The following SFXN4 variants were observed in gnomAD, a reference collection of about 807,000 sequenced individuals.
The protein encoded by SFXN4 is sideroflexin-4.
Under a neutral mutation model 54.6 loss-of-function variants are expected in SFXN4, and 48 were observed. That is an observed-to-expected ratio of 0.88 (90% CI 0.70 to 1.12). SFXN4 has a LOEUF of 1.12. SFXN4 is among the 50% of genes most tolerant of loss of function. SFXN4 has a pLI of 0.00. For synonymous variants in SFXN4, 130 were observed against 145.5 expected (o/e 0.89, Z 0.77); for missense variants, 383 against 409.2 (o/e 0.94, Z 0.55).
chr10:119,161,426 AC>A (rs796850320), intron 3 of SFXN4, among the ~76,000 whole-genome samples: 3,159 of 124,670 alleles, frequency 0.025, 177 homozygotes, highest in African/African-American at 0.081. Context: ...AACAACAACA[AC>A]AAAAAAAAAC....
intron 9 of SFXN4, among the ~76,000 whole-genome samples, 198 bp from the exon 10 acceptor site, chr10:119,156,954 G>A (rs1052311826): frequency 6.6e-6 from 1 of 152,124 alleles, no homozygotes; most frequent in Non-Finnish European, 1.5e-5. Flanking sequence ...GGCTTAGAGA[G>A]AGGTATGGAA....
At chr10:119,150,992 C>T (rs1469005219) in intron 11 of SFXN4, among the ~76,000 whole-genome samples, 1 of 150,342 alleles carries the variant, frequency 6.7e-6, no homozygotes, top group African/African-American at 2.5e-5. Context: ...GAATCTCAAA[C>T]GTGAAAGAAG....
intron 11 of SFXN4, among the ~76,000 whole-genome samples, chr10:119,150,157 T>TG (rs544940592): frequency 2.6e-4 from 39 of 152,328 alleles, no homozygotes; most frequent in Admixed American, 2.1e-3. Flanking sequence ...CCTTTTTTTT[T>TG]TTAAAGTAGA....
At chr10:119,157,223 G>A (rs1390919705) in intron 9 of SFXN4, among the ~76,000 whole-genome samples, 1 of 152,132 alleles carries the variant, frequency 6.6e-6, no homozygotes, top group East Asian at 1.9e-4. Context: ...GAGGTCAGGA[G>A]TTTGAGATCA....
Position 119,155,078 on chromosome 10 carries a change from C to A in SFXN4, c.716G>T (p.Arg239Ile), listed in dbSNP as rs773000369. 9.9e-6 allele frequency: 16 copies of A among 1,613,704 alleles called. No homozygotes were observed. The highest frequency in any genetic ancestry group is 3.3e-5 in the Admixed American group (2 of 60,024). ...GTCTCTTACCTTTGTCCCAGCAATT[C>A]TGGAATGACCCAGGACATTGCCTTC... ...DKEGNVLGHS[R>I]IAGTKAVRET... The change falls in exon 11 of 14, where the codon AGA (arginine) becomes ATA (isoleucine). Residue 239 changes from arginine (R) to isoleucine (I), a missense_variant. Coordinates refer to ENST00000355697, the MANE Select transcript of SFXN4 (RefSeq NM_213649.2).
At chr10:119,144,585 A>G (rs1420141208) in intron 13 of SFXN4, among the ~76,000 whole-genome samples, 2 of 152,132 alleles carry the variant, frequency 1.3e-5, no homozygotes, top group African/African-American at 4.8e-5. Flanking sequence ...TGTCCTTGCT[A>G]CCTACTAAGC....
chr10:119,160,103 TG>T (rs1847459360), intron 5 of SFXN4, among the ~76,000 whole-genome samples: 1 of 151,454 alleles, frequency 6.6e-6, no homozygotes, highest in African/African-American at 2.4e-5. Context: ...CAGCTGAGCC[TG>T]GGAGTTGGAG....
intron 11 of SFXN4, among the ~76,000 whole-genome samples, chr10:119,153,041 CA>C (rs1344064739): frequency 2.0e-5 from 3 of 152,110 alleles, no homozygotes; most frequent in Non-Finnish European, 4.4e-5. Flanking sequence ...AGTCCACACC[CA>C]AAATGAAAAG....
intron 6 of SFXN4, 84 bp downstream of exon 6, chr10:119,159,644 T>C: frequency 7.0e-7 from 1 of 1,438,592 alleles, no homozygotes; most frequent in Non-Finnish European, 9.8e-7. Flanking sequence ...GGTCCGGAGC[T>C]GGAGGGACAC....
At chr10:119,142,305 G>C (rs533943922) in intron 13 of SFXN4, among the ~76,000 whole-genome samples, 1 of 152,180 alleles carries the variant, frequency 6.6e-6, no homozygotes, top group Non-Finnish European at 1.5e-5. Context: ...ATTTCATCAA[G>C]CACCTCCCAC....
chr10:119,159,152 C>T (rs560646564), intron 6 of SFXN4, among the ~76,000 whole-genome samples: 17 of 151,348 alleles, frequency 1.1e-4, no homozygotes, highest in Admixed American at 3.3e-4. Flanking sequence ...TGGTGGTGAG[C>T]GCCTGTAATC....
chr10:119,162,260 G>T, intron 3 of SFXN4, 80 bp downstream of exon 3: 1 of 1,138,534 alleles, frequency 8.8e-7, no homozygotes, highest in Non-Finnish European at 1.3e-6. Flanking sequence ...GAGATTAATG[G>T]CCAAATTCCA....
At chr10:119,158,169 TG>T (rs1405591649) in intron 6 of SFXN4, 107 bp from the exon 7 acceptor site, 3 of 1,068,936 alleles carry the variant, frequency 2.8e-6, no homozygotes, top group Non-Finnish European at 4.4e-6. Context: ...CCCAAGGAGC[TG>T]GGGCAGGAGA....
chr10:119,162,754 C>T (rs1031989814), intron 2 of SFXN4, among the ~76,000 whole-genome samples: 1 of 151,624 alleles, frequency 6.6e-6, no homozygotes, highest in African/African-American at 2.4e-5. Context: ...ACTTCCATGT[C>T]TTATCAGTTC....
At chr10:119,153,915 C>T (rs1325544316) in intron 11 of SFXN4, among the ~76,000 whole-genome samples, 6 of 152,188 alleles carry the variant, frequency 3.9e-5, no homozygotes, top group African/African-American at 1.4e-4. Flanking sequence ...CGGTGGCTCA[C>T]ACCTGTAATC....
chr10:119,147,903 G>A (rs1846887916), intron 11 of SFXN4, 43 bp from the exon 12 acceptor site: 2 of 1,526,478 alleles, frequency 1.3e-6, no homozygotes, highest in Admixed American at 3.3e-5. Context: ...GGGCACGGTG[G>A]CTCACGCCTG....
In SFXN4 at chr10:119,156,711, A is replaced by T; in HGVS notation, c.583T>A (p.Trp195Arg). 2 of 1,611,788 alleles carry T rather than the reference A, an allele frequency of 1.2e-6. No homozygotes were observed. The highest frequency in any genetic ancestry group is 1.7e-6 in the Non-Finnish European group (2 of 1,178,898). The change falls in exon 10 of 14, where the codon TGG (tryptophan) becomes AGG (arginine). Residue 195 changes from tryptophan to arginine, a missense_variant. Coordinates refer to ENST00000355697, the MANE Select transcript of SFXN4 (RefSeq NM_213649.2). Reference sequence around the variant, plus strand: ...ATCACAGGTAAGAGTCTTTTAATCCAAGGGCCAGTCAGGCCATACTTCATC... The same window carrying T: ...ATCACAGGTAAGAGTCTTTTAATCCTAGGGCCAGTCAGGCCATACTTCATC... ...VQMKYGLTGP[W>R]IKRLLPVIFL...
intron 11 of SFXN4, among the ~76,000 whole-genome samples, chr10:119,148,917 C>T (rs1156616547): frequency 6.6e-6 from 1 of 152,076 alleles, no homozygotes; most frequent in Non-Finnish European, 1.5e-5. Context: ...GACAGGGTCT[C>T]ACTCTGTCAT....
chr10:119,151,348 G>A (rs1252983005), intron 11 of SFXN4, among the ~76,000 whole-genome samples: 1 of 136,040 alleles, frequency 7.4e-6, no homozygotes, highest in South Asian at 2.4e-4. Context: ...CAGCCTGGGC[G>A]ACAGAGTGAG....
Sources: gnomAD v4.1 joint callset for allele counts (sites outside exome capture counted in the v4.1 genomes callset) on GRCh38, gnomAD v4.1.1 for gene constraint, MANE v1.5 for transcripts, NCBI Gene and HGNC (gene_info 2026-07-23, HGNC 2026-07-21) for gene names.